Variants in NHSL1 observed in about 807,000 individuals in gnomAD.
NHSL1 encodes NHS like 1.
NHSL1 carries 48 observed loss-of-function variants against 95.0 expected under a neutral mutation model. The observed-to-expected ratio is 0.51, with a 90% CI of 0.40 to 0.64. NHSL1 has a LOEUF of 0.64. NHSL1 is among the 30% of genes least tolerant of loss of function. NHSL1 has a pLI of 0.00. For missense variants in NHSL1, 1,971 were observed against 2,077.7 expected, an observed-to-expected ratio of 0.95 and a Z score of 1.00; for synonymous variants, 783 against 833.9, an observed-to-expected ratio of 0.94 and a Z score of 1.05.
At chr6:138,684,599 C>T (rs1345057859) in intron 1 of NHSL1, among the ~76,000 whole-genome samples, 1 of 152,014 alleles carries the variant, frequency 6.6e-6, no homozygotes, top group Non-Finnish European at 1.5e-5. Context: ...GAGCCAAGAT[C>T]GCGCCACTGC....
chr6:138,524,272 C>T (rs1270255285), intron 1 of NHSL1, among the ~76,000 whole-genome samples: 1 of 152,166 alleles, frequency 6.6e-6, no homozygotes, highest in East Asian at 1.9e-4. Context: ...GAAAAGAGCA[C>T]AAATTATGTA....
chr6:138,657,105 T>G (rs1204131014), intron 1 of NHSL1, among the ~76,000 whole-genome samples: 1 of 151,954 alleles, frequency 6.6e-6, no homozygotes, highest in African/African-American at 2.4e-5. Context: ...TGCTTTCACC[T>G]GCAACAAAAA....
chr6:138,500,990 A>G (rs1164713084), upstream of NHSL1, among the ~76,000 whole-genome samples: 3 of 152,212 alleles, frequency 2.0e-5, no homozygotes, highest in African/African-American at 7.2e-5. Context: ...TTAGCGGGCA[A>G]AGTTCCCCTT....
chr6:138,550,521 G>A (rs1782962116), upstream of NHSL1, among the ~76,000 whole-genome samples: 2 of 152,112 alleles, frequency 1.3e-5, no homozygotes, highest in African/African-American at 4.8e-5. Flanking sequence ...ACCTTAGGGC[G>A]GCAACCACTT....
At chr6:138,618,775 C>T (rs1211421547) in intron 1 of NHSL1, among the ~76,000 whole-genome samples, 1 of 152,154 alleles carries the variant, frequency 6.6e-6, no homozygotes, top group Non-Finnish European at 1.5e-5. Context: ...GAGTGATCTG[C>T]CTACTGGAGG....
At chr6:138,503,796 C>G (rs1047532542), upstream of NHSL1, among the ~76,000 whole-genome samples, 10 of 152,322 alleles carry the variant, frequency 6.6e-5, no homozygotes, top group Admixed American at 6.5e-4. Flanking sequence ...CACATTATCT[C>G]AAGTTCAACA....
intron 1 of NHSL1, among the ~76,000 whole-genome samples, chr6:138,658,008 T>C (rs1785179753): frequency 6.6e-6 from 1 of 152,010 alleles, no homozygotes; most frequent in African/African-American, 2.4e-5. Flanking sequence ...GAGGAAATTG[T>C]AAAACTATCT....
At chr6:138,572,012 T>C in exon 1 of NHSL1, 1 of 906,028 alleles carries the variant, frequency 1.1e-6, no homozygotes, top group Non-Finnish European at 1.7e-6. Context: ...GCTGTTTCCC[T>C]CTTAGACAAC....
At chr6:138,548,728 C>A (rs1782897125), upstream of NHSL1, among the ~76,000 whole-genome samples, 1 of 152,168 alleles carries the variant, frequency 6.6e-6, no homozygotes, top group Non-Finnish European at 1.5e-5. Context: ...CACACACATA[C>A]TATTAGGTAC....
intron 1 of NHSL1, among the ~76,000 whole-genome samples, chr6:138,588,410 C>T (rs1452126092): frequency 1.3e-5 from 2 of 152,100 alleles, no homozygotes; most frequent in East Asian, 1.9e-4. Context: ...TGCAGTGAGC[C>T]GAGATCACGC....
chr6:138,548,918 C>T (rs932395916), upstream of NHSL1, among the ~76,000 whole-genome samples: 10 of 150,546 alleles, frequency 6.6e-5, no homozygotes, highest in South Asian at 8.3e-4. Flanking sequence ...AAAGTTAAAG[C>T]ATATATAATT....
chr6:138,574,597 T>C (rs187759168), upstream of NHSL1, among the ~76,000 whole-genome samples: 13 of 148,670 alleles, frequency 8.7e-5, no homozygotes, highest in Admixed American at 3.4e-4. Context: ...GAGGCCAAGG[T>C]AGATGAATCG....
intron 1 of NHSL1, among the ~76,000 whole-genome samples, chr6:138,527,748 G>C (rs545954574): frequency 6.6e-6 from 1 of 152,154 alleles, no homozygotes; most frequent in Non-Finnish European, 1.5e-5. Flanking sequence ...ATGACAGAAA[G>C]AAAAATAGTA....
upstream of NHSL1, among the ~76,000 whole-genome samples, chr6:138,576,684 G>A (rs574359421): frequency 7.2e-5 from 11 of 152,274 alleles, no homozygotes; most frequent in Non-Finnish European, 1.2e-4. Flanking sequence ...GGGCTTTGTC[G>A]CAGCTGCCTT....
At position 138,433,667 on chromosome 6, in the gene NHSL1, G is replaced by A. The variant is rs1315777996; in HGVS notation, c.678C>T (p.Gly226=). 2 of 1,535,282 alleles carry A rather than the reference G, an allele frequency of 1.3e-6. No homozygotes were observed. The highest frequency in any genetic ancestry group is 1.8e-6 in the Non-Finnish European group (2 of 1,135,036). ...CTGAGTGGCCATCAGCATCATCTTGGCCAGTGCCTGATGCTGGAGATAAAG... is the reference window on the plus strand; with the variant it reads ...CTGAGTGGCCATCAGCATCATCTTGACCAGTGCCTGATGCTGGAGATAAAG... The part of the protein sequence containing the change: ...NIQKELASGT[G]QDDADGHSVY... Residue 226 remains glycine, a synonymous_variant, in exon 6 of 8, where the codon GGC becomes GGT. Coordinates refer to ENST00000343505, the MANE Select transcript of NHSL1 (RefSeq NM_001144060.2).
Position 138,467,156 on chromosome 6 carries a change from T to C in NHSL1, c.339+6150A>G, listed in dbSNP as rs150410668. 5.0e-3 allele frequency among the ~76,000 whole-genome samples: 756 copies of C among 151,664 alleles called. 9 individuals carry two copies. Among genetic ancestry groups the C allele is most frequent in the Admixed American group, 0.029 (440 of 15,234 alleles). On this transcript the variant is annotated intron_variant, in intron 3 of 7. Coordinates refer to ENST00000343505, the MANE Select transcript of NHSL1 (RefSeq NM_001144060.2). ...TTTTTTGTTATTTTATTTTATTTTA[T>C]ATATATATATTTTTTTGAGACGGAA...
At chr6:138,513,575 T>C (rs961255372) in intron 1 of NHSL1, among the ~76,000 whole-genome samples, 26 of 152,236 alleles carry the variant, frequency 1.7e-4, no homozygotes, top group African/African-American at 6.3e-4. Flanking sequence ...ATACCAGATA[T>C]TTTGGCAATC....
At chr6:138,647,205 A>C (rs1366213631) in intron 1 of NHSL1, among the ~76,000 whole-genome samples, 2 of 152,244 alleles carry the variant, frequency 1.3e-5, no homozygotes, top group African/African-American at 4.8e-5. Flanking sequence ...AATACAAAAC[A>C]AAACAAAAAA....
intron 1 of NHSL1, among the ~76,000 whole-genome samples, chr6:138,515,954 A>G (rs1271859076): frequency 6.6e-6 from 1 of 152,208 alleles, no homozygotes; most frequent in Non-Finnish European, 1.5e-5. Flanking sequence ...AGTCCCAGGC[A>G]AGTCACCTCC....
Sources: allele counts gnomAD v4.1 joint callset (sites outside exome capture counted in the v4.1 genomes callset), GRCh38; gene constraint gnomAD v4.1.1; transcripts MANE v1.5; gene names NCBI Gene and HGNC (gene_info 2026-07-23, HGNC 2026-07-21).